PHACTR1: variants seen among roughly 807,000 people sequenced by gnomAD.
PHACTR1 encodes the protein phosphatase and actin regulator 1.
In PHACTR1, 16 loss-of-function variants were observed where a neutral mutation model predicts 69.2. That is an observed-to-expected ratio of 0.23 (90% CI 0.16 to 0.35). The LOEUF (loss-of-function observed/expected upper bound fraction) is 0.35, where lower values mean the gene tolerates loss of function less well. PHACTR1 is among the 10% of genes least tolerant of loss of function. PHACTR1 has a pLI of 1.00. For synonymous variants in PHACTR1, 312 were observed against 284.5 expected (o/e 1.10, Z -0.97); for missense variants, 510 against 734.7 (o/e 0.69, Z 3.54).
At chr6:13,165,078 A>C (rs1759594377) in intron 6 of PHACTR1, among the ~76,000 whole-genome samples, 1 of 152,240 alleles carries the variant, frequency 6.6e-6, no homozygotes, top group Non-Finnish European at 1.5e-5. Context: ...GTAAGAATGC[A>C]GCACACTTTG....
chr6:12,937,873 T>A (rs1351257236), intron 4 of PHACTR1, among the ~76,000 whole-genome samples: 1 of 152,180 alleles, frequency 6.6e-6, no homozygotes, highest in African/African-American at 2.4e-5. Flanking sequence ...GGCAGAGGCA[T>A]GCTGATCACT....
Position 12,830,493 on chromosome 6 carries a change from G to A in PHACTR1, c.250+80703G>A, listed in dbSNP as rs985697935. On this transcript the variant is annotated intron_variant, in intron 4 of 14. Transcript: ENST00000332995. ...AGAAGGAGAGAGGGGGAGGGAAACC[G>A]AAGAGCCTTCCCACCAGTCTATTAT... 5.9e-5 allele frequency among the ~76,000 whole-genome samples: 9 copies of A among 151,616 alleles called. No individual in the cohort carries two copies. In the East Asian group the frequency reaches 1.5e-3, roughly 26 times the overall value.
intron 4 of PHACTR1, among the ~76,000 whole-genome samples, chr6:12,755,586 A>G (rs1282654893): frequency 2.6e-5 from 4 of 152,212 alleles, no homozygotes; most frequent in African/African-American, 7.2e-5. Flanking sequence ...TCTCTATTAT[A>G]TAGGCACATT....
At chr6:13,159,633 G>A (rs1357939756) in intron 5 of PHACTR1, among the ~76,000 whole-genome samples, 1 of 152,158 alleles carries the variant, frequency 6.6e-6, no homozygotes, top group Non-Finnish European at 1.5e-5. Context: ...ATAAATTGGG[G>A]TTCAATTAAA....
At chr6:13,127,312 A>G (rs1561867289) in intron 5 of PHACTR1, among the ~76,000 whole-genome samples, 1 of 152,200 alleles carries the variant, frequency 6.6e-6, no homozygotes, top group Non-Finnish European at 1.5e-5. Flanking sequence ...CACGCCTGTA[A>G]TCCCAACACT....
chr6:13,022,566 G>A (rs1317696160), intron 4 of PHACTR1, among the ~76,000 whole-genome samples: 2 of 152,010 alleles, frequency 1.3e-5, no homozygotes, highest in African/African-American at 4.8e-5. Context: ...CTTGCACACT[G>A]TCTATGGCAC....
intron 4 of PHACTR1, among the ~76,000 whole-genome samples, chr6:12,954,872 C>T (rs35056688): frequency 0.19 from 28,926 of 152,066 alleles, 3,111 homozygotes; most frequent in South Asian, 0.27. Context: ...TAAATTCTAA[C>T]CTCAAAATGG....
intron 5 of PHACTR1, among the ~76,000 whole-genome samples, chr6:13,064,445 G>A (rs946302317): frequency 1.1e-4 from 16 of 150,344 alleles, no homozygotes; most frequent in East Asian, 5.9e-4. Context: ...TTTATCCCAC[G>A]TAAATGGCAA....
At chr6:12,792,615 G>A (rs934164525) in intron 4 of PHACTR1, among the ~76,000 whole-genome samples, 2 of 151,926 alleles carry the variant, frequency 1.3e-5, no homozygotes, top group Non-Finnish European at 2.9e-5. Context: ...GTCCAGGGTT[G>A]CGAAAATTTC....
At chr6:12,909,209 C>T (rs1011817802) in intron 4 of PHACTR1, among the ~76,000 whole-genome samples, 1 of 152,148 alleles carries the variant, frequency 6.6e-6, no homozygotes, top group Non-Finnish European at 1.5e-5. Context: ...CATACTCTTG[C>T]CCATCTCCCC....
intron 6 of PHACTR1, among the ~76,000 whole-genome samples, chr6:13,178,741 T>C (rs1761756772): frequency 6.6e-6 from 1 of 152,186 alleles, no homozygotes; most frequent in African/African-American, 2.4e-5. Context: ...ACAGATGACT[T>C]TAGAAGTTCA....
intron 8 of PHACTR1, among the ~76,000 whole-genome samples, chr6:13,215,741 C>A (rs146725297): frequency 6.6e-6 from 1 of 152,190 alleles, no homozygotes; most frequent in African/African-American, 2.4e-5. Context: ...CCAACTCTAA[C>A]TGCAGATTAG....
intron 4 of PHACTR1, among the ~76,000 whole-genome samples, chr6:12,846,112 A>C (rs562543158): frequency 1.3e-5 from 2 of 152,328 alleles, no homozygotes; most frequent in East Asian, 3.9e-4. Context: ...TTCCAAACAC[A>C]TAACATGAAG....
chr6:12,753,558 G>T (rs540524902), intron 4 of PHACTR1, among the ~76,000 whole-genome samples: 2 of 152,292 alleles, frequency 1.3e-5, no homozygotes, highest in African/African-American at 2.4e-5. Flanking sequence ...TCATAAGGAG[G>T]TTTAACTTCT....
intron 5 of PHACTR1, among the ~76,000 whole-genome samples, chr6:13,092,253 A>C (rs1239080109): frequency 1.3e-5 from 2 of 152,232 alleles, no homozygotes; most frequent in African/African-American, 2.4e-5. Context: ...AACAGGCCAC[A>C]GACCAGTCCT....
rs896093042 is a variant in PHACTR1, at chr6:12,859,344, G to A, written c.250+109554G>A. Among the ~76,000 whole-genome samples, 7 of 152,124 alleles carry A rather than the reference G, an allele frequency of 4.6e-5. No individual in the cohort carries two copies. In the South Asian group the frequency reaches 6.2e-4, roughly 14 times the overall value. On this transcript the variant is annotated intron_variant, in intron 4 of 14. Transcript: ENST00000332995. Reference sequence around the variant, plus strand: ...GCTGGTCAACATGCTCCATATCAGCGAATGATACTTACAGCTAATGTGTGT... The same window carrying A: ...GCTGGTCAACATGCTCCATATCAGCAAATGATACTTACAGCTAATGTGTGT...
chr6:13,191,566 A>G (rs1362231565), intron 7 of PHACTR1, among the ~76,000 whole-genome samples: 2 of 152,174 alleles, frequency 1.3e-5, no homozygotes, highest in Non-Finnish European at 2.9e-5. Flanking sequence ...CAAATGTTCT[A>G]TAGTTGCCTG....
rs937623936 is a variant in PHACTR1, at chr6:13,245,007, C to T, written c.1391+14814C>T. ...TTAATTTGGGGAACTAATAAATGTC[C>T]GTAAAATCTTCACTATCCATGTTCT... On this transcript the variant is annotated intron_variant, in intron 10 of 14. Coordinates refer to ENST00000332995, the MANE Select transcript of PHACTR1 (RefSeq NM_030948.6). This position sits in a 1 kb window ranked among gnomAD's most constrained non-coding sequence, Gnocchi z 4.1. 2.0e-4 allele frequency among the ~76,000 whole-genome samples: 30 copies of T among 152,220 alleles called. No homozygotes were observed. The highest frequency in any genetic ancestry group is 7.2e-4 in the Admixed American group (11 of 15,296).
intron 4 of PHACTR1, among the ~76,000 whole-genome samples, chr6:13,020,665 G>A (rs1172875513): frequency 6.6e-6 from 1 of 152,112 alleles, no homozygotes. Context: ...CCAGAGGAGG[G>A]CATTGAATGC....
Sources: gnomAD v4.1 joint callset for allele counts (sites outside exome capture counted in the v4.1 genomes callset) on GRCh38, gnomAD v4.1.1 for gene constraint, Gnocchi (gnomAD v3.1) non-coding constraint, MANE v1.5 for transcripts, NCBI Gene and HGNC (gene_info 2026-07-23, HGNC 2026-07-21) for gene names.